Variants in PI4K2B observed in about 807,000 individuals in gnomAD.
The protein encoded by PI4K2B is phosphatidylinositol 4-kinase type 2-beta.
In PI4K2B, 46 loss-of-function variants were observed where a neutral mutation model predicts 56.6. The ratio of observed to expected loss-of-function variants is 0.81; its 90% CI spans 0.64 to 1.04. The LOEUF (loss-of-function observed/expected upper bound fraction) is 1.04. Among genes scored for constraint, PI4K2B ranks in the 50% least tolerant of loss-of-function variants. The pLI is 0.00. For synonymous variants in PI4K2B, 211 were observed against 223.8 expected, an observed-to-expected ratio of 0.94 and a Z score of 0.51; for missense variants, 556 against 607.7, an observed-to-expected ratio of 0.91 and a Z score of 0.89.
intron 1 of PI4K2B, among the ~76,000 whole-genome samples, chr4:25,249,679 A>G (rs1186899068): frequency 7.6e-6 from 1 of 131,906 alleles, no homozygotes; most frequent in Non-Finnish European, 1.6e-5. Context: ...CAGGGCAGAC[A>G]CTCCTGGGTT....
rs571424797 is a variant in PI4K2B at position 25,236,379 on chromosome 4, T to C, written c.268+1948T>C. 1.2e-3 allele frequency among the ~76,000 whole-genome samples: 179 copies of C among 152,136 alleles called. 2 individuals are homozygous for C. The South Asian group carries it at 0.022, about 18-fold the overall frequency. On this transcript the variant is annotated intron_variant, in intron 1 of 9. Transcript: ENST00000264864. ...CAGCCTGGCCAACATGGTGAAACCCTGCCTCTACTAAAAATAGAAAAATTA... is the reference window on the plus strand; with the variant it reads ...CAGCCTGGCCAACATGGTGAAACCCCGCCTCTACTAAAAATAGAAAAATTA...
Position 25,277,074 on chromosome 4 carries a change from C to A in PI4K2B, c.1333C>A (p.Pro445Thr). Residue 445 changes from proline (P) to threonine (T), a missense_variant, in exon 10 of 10, where the codon CCT becomes ACT. Physicochemically the swap from Pro to Thr is conservative, Grantham distance 38. Transcript: ENST00000264864. ...GKSPFQLVQI[P>T]CVIVERSQGG... ...GAGTCCTTTCCAGCTAGTACAGATA[C>A]CTTGTGTGATTGTGGAACGCAGTCA... 1 of 1,613,654 alleles carries A rather than the reference C, an allele frequency of 6.2e-7. No individual in the cohort carries two copies. The highest frequency in any genetic ancestry group is 8.5e-7 in the Non-Finnish European group (1 of 1,179,708).
chr4:25,239,818 C>A (rs770639239), intron 1 of PI4K2B, among the ~76,000 whole-genome samples: 3 of 152,236 alleles, frequency 2.0e-5, no homozygotes, highest in South Asian at 4.1e-4. Flanking sequence ...AAACAGGACA[C>A]CCCAACTGCT....
intron 1 of PI4K2B, among the ~76,000 whole-genome samples, chr4:25,244,509 C>T (rs1715676992): frequency 6.6e-6 from 1 of 152,010 alleles, no homozygotes; most frequent in South Asian, 2.1e-4. Flanking sequence ...TTTATACTTC[C>T]CTCAGGTGGC....
rs577044702 is a variant in PI4K2B, at chr4:25,260,088, A to T, written c.911-436A>T. Among the ~76,000 whole-genome samples, 14 of 152,284 alleles carry T rather than the reference A, an allele frequency of 9.2e-5. No individual in the cohort carries two copies. In the South Asian group the frequency reaches 2.7e-3, roughly 29 times the overall value. ...ACGAATCAAATAATTTTCCAGATTC[A>T]CTTTCTTAATTTACATATATATGTT... On this transcript the variant is annotated intron_variant, in intron 5 of 9. Coordinates refer to ENST00000264864, the MANE Select transcript of PI4K2B (RefSeq NM_018323.4).
At chr4:25,238,561 T>C (rs371527596) in intron 1 of PI4K2B, among the ~76,000 whole-genome samples, 67 of 152,204 alleles carry the variant, frequency 4.4e-4, no homozygotes, top group African/African-American at 1.6e-3. Context: ...TCGGATGTGT[T>C]CGGAGTTTCT....
At chr4:25,276,976 TC>T (rs754393345) in intron 9 of PI4K2B, 37 bp from the exon 10 acceptor site, 2 of 1,478,078 alleles carry the variant, frequency 1.4e-6, no homozygotes, top group African/African-American at 2.8e-5. Context: ...AAGCTTTTTA[TC>T]TTTTTAAATT....
In PI4K2B at chr4:25,252,426, G is replaced by T; in HGVS notation, c.374G>T (p.Arg125Ile). The T allele has an allele frequency of 5.6e-6, 9 of 1,612,444 alleles. No homozygotes were observed. The highest frequency in any genetic ancestry group is 7.6e-6 in the Non-Finnish European group (9 of 1,178,554). Residue 125 changes from arginine (R) to isoleucine (I), a missense_variant, in exon 2 of 10, where the codon AGA (arginine) becomes ATA (isoleucine). Arg to Ile is a moderately conservative substitution (Grantham distance 97). Transcript: ENST00000264864. ...QAIEVGIFPE[R>I]ISQGSSGSYF... Reference sequence around the variant, plus strand: ...ATAGAAGTTGGAATTTTTCCAGAAAGAATCTCTCAAGGTTCAAGTGGAAGT... The same window carrying T: ...ATAGAAGTTGGAATTTTTCCAGAAATAATCTCTCAAGGTTCAAGTGGAAGT...
At chr4:25,246,981 C>T (rs1350228614) in intron 1 of PI4K2B, among the ~76,000 whole-genome samples, 2 of 152,238 alleles carry the variant, frequency 1.3e-5, no homozygotes, top group Non-Finnish European at 2.9e-5. Context: ...AGCTCCAGTT[C>T]CCACCCGCAC....
intron 1 of PI4K2B, among the ~76,000 whole-genome samples, chr4:25,249,526 T>TGCC (rs1392782149): frequency 3.4e-4 from 32 of 94,526 alleles, no homozygotes; most frequent in African/African-American, 1.1e-3. Flanking sequence ...GCGGAGGGGC[T>TGCC]CCTCACTTCC....
chr4:25,260,869 ATTT>A lies in PI4K2B; in HGVS notation c.978+297_978+299del, dbSNP rs60224286. Among the ~76,000 whole-genome samples, 173 of 105,490 alleles carry A rather than the reference ATTT, an allele frequency of 1.6e-3. 1 individual carries two copies. Among genetic ancestry groups the A allele is most frequent in the Non-Finnish European group, 2.0e-3 (107 of 53,244 alleles). The allele number at this position is 105,490 out of a possible 152,430, so 69.2% of individuals were successfully genotyped here. Reference sequence around the variant, plus strand: ...TTTACGTTGCATTTCTTGATTCTTGATTTTTTTTTTTTTTTTTTTTTAGGGGTG... The same window carrying A: ...TTTACGTTGCATTTCTTGATTCTTGATTTTTTTTTTTTTTTTTTAGGGGTG... On this transcript the variant is annotated intron_variant, in intron 6 of 9. Coordinates refer to ENST00000264864, the MANE Select transcript of PI4K2B (RefSeq NM_018323.4).
intron 3 of PI4K2B, among the ~76,000 whole-genome samples, 196 bp downstream of exon 3, chr4:25,255,461 T>C (rs1402077621): frequency 2.6e-5 from 4 of 151,304 alleles, no homozygotes; most frequent in Admixed American, 1.3e-4. Flanking sequence ...GAATGTGTCT[T>C]GTCTCTGTGA....
Position 25,255,337 on chromosome 4 carries a change from T to C in PI4K2B, c.624+72T>C, listed in dbSNP as rs1716224104. 3 of 1,322,382 alleles carry C rather than the reference T, an allele frequency of 2.3e-6. No individual in the cohort carries two copies. In the Admixed American group the frequency reaches 5.2e-5, roughly 23 times the overall value. The allele number at this position is 1,322,382 out of a possible 1,614,324, so 81.9% of individuals were successfully genotyped here. Reference sequence around the variant, plus strand: ...GCTTATATCTGAATATTTCAGTAATTATTCCTAATGATAGAACCTAAAGTG... The same window carrying C: ...GCTTATATCTGAATATTTCAGTAATCATTCCTAATGATAGAACCTAAAGTG... On this transcript the variant is annotated intron_variant, in intron 3 of 9. Transcript: ENST00000264864.
Position 25,255,088 on chromosome 4 carries a change from C to G in PI4K2B, c.447C>G (p.Pro149=), listed in dbSNP as rs764204551. Residue 149 remains proline (P), a synonymous_variant, in exon 3 of 10, where the codon CCC becomes CCG. Transcript: ENST00000264864. ...PKRKIIGVFK[P]KSEEPYGQLN... ...AGAAAATTATTGGTGTGTTTAAACC[C>G]AAATCAGAAGAGCCTTATGGTCAAC... 3 of 1,613,254 alleles carry G rather than the reference C, an allele frequency of 1.9e-6. No homozygotes were observed. Among genetic ancestry groups the G allele is most frequent in the African/African-American group, 1.3e-5 (1 of 74,862 alleles).
chr4:25,249,976 G>C (rs943547557), intron 1 of PI4K2B, among the ~76,000 whole-genome samples: 1 of 152,200 alleles, frequency 6.6e-6, no homozygotes, highest in Non-Finnish European at 1.5e-5. Flanking sequence ...CCGGCACCTC[G>C]GGAGGCCGAG....
At chr4:25,257,461 C>T (rs1473414284) in intron 4 of PI4K2B, among the ~76,000 whole-genome samples, 1 of 152,112 alleles carries the variant, frequency 6.6e-6, no homozygotes, top group Non-Finnish European at 1.5e-5. Context: ...ATGTCAAGGA[C>T]TTGGTACATA....
chr4:25,248,853 T>C (rs565606082), intron 1 of PI4K2B, among the ~76,000 whole-genome samples: 1 of 152,270 alleles, frequency 6.6e-6, no homozygotes, highest in South Asian at 2.1e-4. Context: ...CTTGGGTGTT[T>C]CTCGGAGAGG....
Position 25,259,052 on chromosome 4 carries a change from T to C in PI4K2B, c.772T>C (p.Leu258=), listed in dbSNP as rs1266323961. The part of the protein sequence containing the change: ...GLPPKIGSFQ[L]FVEGYKEAEY... ...AAAATTATAGATTGGTTCCTTTCAG[T>C]TATTTGTTGAAGGTTACAAGGAGGC... The change falls in exon 5 of 10, where the codon TTA becomes CTA. Residue 258 remains leucine (L), a synonymous_variant. Transcript: ENST00000264864. 8 of 1,561,092 alleles carry C rather than the reference T, an allele frequency of 5.1e-6. No homozygotes were observed. The highest frequency in any genetic ancestry group is 6.1e-6 in the Non-Finnish European group (7 of 1,140,742).
At chr4:25,267,087 G>A (rs1446262657) in intron 7 of PI4K2B, among the ~76,000 whole-genome samples, 1 of 152,186 alleles carries the variant, frequency 6.6e-6, no homozygotes, top group Non-Finnish European at 1.5e-5. Flanking sequence ...ATTTCATAAA[G>A]GAGATGATAG....
Sources: gnomAD v4.1 joint callset for allele counts (sites outside exome capture counted in the v4.1 genomes callset) on GRCh38, gnomAD v4.1.1 for gene constraint, MANE v1.5 for transcripts, NCBI Gene and HGNC (gene_info 2026-07-23, HGNC 2026-07-21) for gene names.